Variants in GRIK3 observed in about 807,000 individuals in gnomAD.
GRIK3 encodes glutamate receptor ionotropic, kainate 3.
GRIK3 carries 29 observed loss-of-function variants against 102.5 expected under a neutral mutation model. The ratio of observed to expected loss-of-function variants is 0.28; its 90% CI spans 0.21 to 0.39. GRIK3 has a LOEUF of 0.39. GRIK3 is among the 10% of genes least tolerant of loss of function. The pLI, the probability that GRIK3 is intolerant of heterozygous loss-of-function variation, is 1.00. For missense variants in GRIK3, 908 were observed against 1,252.4 expected (o/e 0.73, Z 4.15); for synonymous variants, 511 against 504.9 (o/e 1.01, Z -0.16).
chr1:37,006,668 C>T (rs376676650), intron 1 of GRIK3, among the ~76,000 whole-genome samples: 43 of 152,332 alleles, frequency 2.8e-4, no homozygotes, highest in African/African-American at 9.4e-4. Flanking sequence ...GGCACGTGGG[C>T]TAGACATCAG....
chr1:37,010,969 C>T (rs1304781963), intron 1 of GRIK3, among the ~76,000 whole-genome samples: 1 of 152,064 alleles, frequency 6.6e-6, no homozygotes, highest in East Asian at 1.9e-4. Flanking sequence ...TCTCGATCTC[C>T]TGACCTCATG....
chr1:36,860,405 G>T (rs1394667277), intron 5 of GRIK3, among the ~76,000 whole-genome samples: 1 of 152,200 alleles, frequency 6.6e-6, no homozygotes, highest in Non-Finnish European at 1.5e-5. Context: ...TGGGCATCTT[G>T]TTACACAGAG....
intron 1 of GRIK3, among the ~76,000 whole-genome samples, chr1:37,003,880 C>T (rs1642505025): frequency 2.0e-5 from 3 of 152,160 alleles, no homozygotes; most frequent in South Asian, 2.1e-4. Flanking sequence ...CACAGGCTCC[C>T]CAGCTCCCAC....
rs775486536 is a variant in GRIK3, at chr1:36,796,394, C to T, written c.*5457G>A. The T allele has an allele frequency of 2.6e-5, 4 of 152,254 alleles. No homozygotes were observed. In the East Asian group the frequency reaches 7.7e-4, roughly 29 times the overall value. 9.4% of individuals were successfully genotyped at this position (152,254 alleles called of 1,614,324 possible). ...CCTTCTTGCCTCTCATCTTTCACCC[C>T]TCTGGCTCTGAGGTCGCTCCCTGAC... On this transcript the variant is annotated 3_prime_UTR_variant, in exon 16 of 16. Transcript: ENST00000373091.
intron 4 of GRIK3, among the ~76,000 whole-genome samples, chr1:36,871,900 G>A (rs1640847593): frequency 6.6e-6 from 1 of 152,222 alleles, no homozygotes; most frequent in Non-Finnish European, 1.5e-5. Context: ...CCAGCACAGA[G>A]GTGGGATGGA....
At chr1:36,949,087 G>T (rs1408836209) in intron 1 of GRIK3, among the ~76,000 whole-genome samples, 1 of 152,216 alleles carries the variant, frequency 6.6e-6, no homozygotes, top group African/African-American at 2.4e-5. Context: ...CCCAGGGAAA[G>T]GCCATCCAGG....
chr1:36,830,178 C>A lies in GRIK3; in HGVS notation c.1531-4352G>T, dbSNP rs376590915. On this transcript the variant is annotated intron_variant, in intron 10 of 15. Transcript: ENST00000373091. ...ATGCCTATGCCATCTTCCCAGTATCCCCGCCAGGTGGTCAACATCCTCGTC... is the reference window on the plus strand; with the variant it reads ...ATGCCTATGCCATCTTCCCAGTATCACCGCCAGGTGGTCAACATCCTCGTC... Among the ~76,000 whole-genome samples the A allele has an allele frequency of 2.0e-4, 31 of 152,292 alleles. 1 individual carries two copies. The highest frequency in any genetic ancestry group is 7.2e-4 in the African/African-American group (30 of 41,564).
intron 15 of GRIK3, among the ~76,000 whole-genome samples, chr1:36,804,158 C>A (rs893426840): frequency 3.9e-5 from 6 of 152,206 alleles, no homozygotes; most frequent in African/African-American, 1.4e-4. Context: ...ATAGAGGATT[C>A]CATTTCGTTT....
intron 1 of GRIK3, among the ~76,000 whole-genome samples, chr1:36,995,114 G>A (rs1427379726): frequency 6.6e-6 from 1 of 152,134 alleles, no homozygotes; most frequent in East Asian, 1.9e-4. Flanking sequence ...AACCTACAGA[G>A]CCATCTAGAT....
chr1:36,889,536 G>A (rs574778477), intron 2 of GRIK3, among the ~76,000 whole-genome samples: 19 of 152,236 alleles, frequency 1.2e-4, no homozygotes, highest in African/African-American at 2.2e-4. Context: ...CATCTGGTTG[G>A]GGGGAGGCGG....
intron 13 of GRIK3, among the ~76,000 whole-genome samples, chr1:36,809,225 C>T (rs1436070792): frequency 6.6e-6 from 1 of 152,106 alleles, no homozygotes; most frequent in Non-Finnish European, 1.5e-5. Flanking sequence ...TCCATCCAAC[C>T]ACTCACCCAC....
chr1:36,915,254 A>G (rs931831910), intron 1 of GRIK3, among the ~76,000 whole-genome samples: 3 of 152,044 alleles, frequency 2.0e-5, no homozygotes, highest in African/African-American at 7.2e-5. Flanking sequence ...TGTCTTAAAT[A>G]TCTATTTGCT....
intron 10 of GRIK3, among the ~76,000 whole-genome samples, chr1:36,838,382 A>T (rs555208218): frequency 6.6e-6 from 1 of 152,352 alleles, no homozygotes; most frequent in Non-Finnish European, 1.5e-5. Flanking sequence ...GATTTTTGAA[A>T]GAGGAAACAG....
At chr1:36,822,639 A>G (rs1234657704) in intron 11 of GRIK3, among the ~76,000 whole-genome samples, 1 of 152,030 alleles carries the variant, frequency 6.6e-6, no homozygotes, top group Non-Finnish European at 1.5e-5. Flanking sequence ...AGAAGGCTAC[A>G]CTCCATCCCC....
At chr1:36,961,663 G>A (rs968065229) in intron 1 of GRIK3, among the ~76,000 whole-genome samples, 3 of 152,242 alleles carry the variant, frequency 2.0e-5, no homozygotes, top group African/African-American at 7.2e-5. Flanking sequence ...TGCTGGCTCC[G>A]ACATGAATGT....
intron 2 of GRIK3, among the ~76,000 whole-genome samples, chr1:36,889,485 A>G (rs563722364): frequency 2.6e-5 from 4 of 152,056 alleles, no homozygotes; most frequent in Non-Finnish European, 4.4e-5. Flanking sequence ...GGGAAAGACC[A>G]TGAGATGTTC....
chr1:36,899,203 A>G (rs966774754), intron 1 of GRIK3, among the ~76,000 whole-genome samples: 5 of 152,132 alleles, frequency 3.3e-5, no homozygotes, highest in Admixed American at 1.3e-4. Context: ...TTACCAAAAA[A>G]CTGTATATCA....
intron 1 of GRIK3, among the ~76,000 whole-genome samples, chr1:36,963,459 C>T (rs1557443682): frequency 6.6e-6 from 1 of 152,136 alleles, no homozygotes; most frequent in African/African-American, 2.4e-5. Flanking sequence ...GAGAGGAACG[C>T]CTTCTGTGTG....
Position 36,985,348 on chromosome 1 carries a change from T to G in GRIK3, c.115+48646A>C, listed in dbSNP as rs574018115. ...GCTGTCCAAAGTGCTAAAAGCCTGG[T>G]CTTTCCCTGTACCTGGAGCACCCTC... On this transcript the variant is annotated intron_variant, in intron 1 of 15. Transcript: ENST00000373091. Among the ~76,000 whole-genome samples, 201 of 152,246 alleles carry G rather than the reference T, an allele frequency of 1.3e-3. 1 individual carries two copies. The highest frequency in any genetic ancestry group is 2.2e-3 in the Non-Finnish European group (148 of 67,996).
Sources: allele counts gnomAD v4.1 joint callset (sites outside exome capture counted in the v4.1 genomes callset), GRCh38; gene constraint gnomAD v4.1.1; transcripts MANE v1.5; gene names NCBI Gene and HGNC (gene_info 2026-07-23, HGNC 2026-07-21).